Variants in UGT1A5 observed in about 807,000 individuals in gnomAD.
UGT1A5 encodes the protein UDP glucuronosyltransferase family 1 member A5.
A neutral mutation model predicts 40.3 loss-of-function variants in UGT1A5; 29 were observed. The observed-to-expected ratio is 0.72, with a 90% confidence interval of 0.54 to 0.98. UGT1A5 has a LOEUF of 0.98. UGT1A5 is among the 50% of genes least tolerant of loss of function. The pLI, the probability that UGT1A5 is intolerant of heterozygous loss-of-function variation, is 0.00. For missense variants in UGT1A5, 678 were observed against 677.9 expected (o/e 1.00, Z 0.00); for synonymous variants, 257 against 262.5 (o/e 0.98, Z 0.20).
chr2:233,748,006 A>T, intron 1 of UGT1A5: 1 of 1,613,448 alleles, frequency 6.2e-7, no homozygotes, highest in African/African-American at 1.3e-5. Context: ...GTGATGGATT[A>T]CCCCAGGCCG....
rs1177829865 is a variant in UGT1A5, at chr2:233,713,310, C to T, written c.319C>T (p.Leu107=). Residue 107 remains leucine (L), a synonymous_variant, in exon 1 of 5, where the codon CTG becomes TTG. Coordinates refer to ENST00000373414, the MANE Select transcript of UGT1A5 (RefSeq NM_019078.2). ...TQSFFETEHL[L]MKFSRRMAIM... The stretch of plus-strand genomic sequence containing the variant: ...ATCGTTCTTTGAAACAGAACATCTT[C>T]TGATGAAATTTTCTAGAAGAATGGC... 1 of 1,614,216 alleles carries T rather than the reference C, an allele frequency of 6.2e-7. No homozygotes were observed. Among genetic ancestry groups the T allele is most frequent in the South Asian group, 1.1e-5 (1 of 91,082 alleles).
At chr2:233,756,614 T>C (rs978971075) in intron 1 of UGT1A5, among the ~76,000 whole-genome samples, 2 of 152,204 alleles carry the variant, frequency 1.3e-5, no homozygotes, top group African/African-American at 4.8e-5. Context: ...CCATTAAGAC[T>C]TGCAGGCCGT....
intron 1 of UGT1A5, among the ~76,000 whole-genome samples, chr2:233,737,002 C>G (rs534387073): frequency 6.6e-6 from 1 of 152,190 alleles, no homozygotes; most frequent in Non-Finnish European, 1.5e-5. Flanking sequence ...GTCAGGGACC[C>G]GCTTGAGGAG....
chr2:233,765,482 C>T (rs1647966215), intron 1 of UGT1A5, among the ~76,000 whole-genome samples: 1 of 152,108 alleles, frequency 6.6e-6, no homozygotes, highest in South Asian at 2.1e-4. Context: ...TGGAAGCCAT[C>T]ATCCTCCACA....
intron 1 of UGT1A5, chr2:233,755,367 G>A: frequency 2.8e-6 from 1 of 362,114 alleles, no homozygotes; most frequent in Non-Finnish European, 5.3e-6. Context: ...TGGGCCGCCT[G>A]GAGGGCCGCC....
Position 233,713,604 on chromosome 2 carries a change from A to G in UGT1A5, c.613A>G (p.Met205Val), listed in dbSNP as rs1179770710. The change falls in exon 1 of 5, where the codon ATG becomes GTG. Residue 205 changes from methionine (M) to valine (V), a missense_variant. Coordinates refer to ENST00000373414, the MANE Select transcript of UGT1A5 (RefSeq NM_019078.2). ...PRLLTTNSDH[M>V]TFLQRVKNML... ...ATTACTAACGACCAATTCAGACCACATGACATTCCTGCAAAGGGTCAAGAA... is the reference window on the plus strand; with the variant it reads ...ATTACTAACGACCAATTCAGACCACGTGACATTCCTGCAAAGGGTCAAGAA... 6.2e-7 allele frequency: 1 copy of G among 1,613,926 alleles called. No homozygotes were observed. The highest frequency in any genetic ancestry group is 1.1e-5 in the South Asian group (1 of 91,066).
Position 233,712,920 on chromosome 2 carries a change from T to C in UGT1A5, c.-72T>C. ...GCTAGGTGTCTCAGTGACAAGGTAA[T>C]TAAGACGAAGGAAACAATTCTAGGA... On this transcript the variant is annotated 5_prime_UTR_variant, in exon 1 of 5. Transcript: ENST00000373414. 3 of 1,611,826 alleles carry C rather than the reference T, an allele frequency of 1.9e-6. No individual in the cohort carries two copies. The South Asian group carries it at 3.3e-5, about 18-fold the overall frequency.
In UGT1A5 at chr2:233,743,994, T is replaced by C. The variant is rs60469444; in HGVS notation, c.868-23040T>C. 7.2e-6 allele frequency: 9 copies of C among 1,253,056 alleles called. No individual in the cohort carries two copies. The East Asian group carries it at 2.0e-4, about 28-fold the overall frequency. 77.6% of individuals were successfully genotyped at this position (1,253,056 alleles called of 1,614,324 possible). On this transcript the variant is annotated intron_variant, in intron 1 of 4. Coordinates refer to ENST00000373414, the MANE Select transcript of UGT1A5 (RefSeq NM_019078.2). The stretch of plus-strand genomic sequence containing the variant: ...GCCAGCACCCAGGCGCAGGCCCGAG[T>C]GCTCGGAGACCTGGGCCGCCTGGAG...
At chr2:233,738,331 A>G (rs1320922630) in intron 1 of UGT1A5, among the ~76,000 whole-genome samples, 1 of 152,220 alleles carries the variant, frequency 6.6e-6, no homozygotes, top group African/African-American at 2.4e-5. Context: ...GGACTAATAC[A>G]GTAAATTGGT....
chr2:233,764,085 G>T (rs1214257017), intron 1 of UGT1A5, among the ~76,000 whole-genome samples: 1 of 152,154 alleles, frequency 6.6e-6, no homozygotes, highest in African/African-American at 2.4e-5. Flanking sequence ...CTAATTAAAA[G>T]CCTAAACTAA....
intron 1 of UGT1A5, among the ~76,000 whole-genome samples, chr2:233,766,597 G>A (rs1228112720): frequency 6.6e-6 from 1 of 152,126 alleles, no homozygotes; most frequent in Non-Finnish European, 1.5e-5. Flanking sequence ...CCTCGCCAGG[G>A]ACCACACCCT....
chr2:233,732,704 T>C (rs2078302376), intron 1 of UGT1A5, among the ~76,000 whole-genome samples: 1 of 152,126 alleles, frequency 6.6e-6, no homozygotes. Flanking sequence ...GTTTTGTTAC[T>C]GTAGCCTTGT....
In UGT1A5 at chr2:233,754,741, T is replaced by C; in HGVS notation, c.868-12293T>C. On this transcript the variant is annotated intron_variant, in intron 1 of 4. Coordinates refer to ENST00000373414, the MANE Select transcript of UGT1A5 (RefSeq NM_019078.2). Reference sequence around the variant, plus strand: ...CCTGTCCCATCACTACCGTAGGACATGCAGAAGGAAGAAAGGCCCCCACTT... The same window carrying C: ...CCTGTCCCATCACTACCGTAGGACACGCAGAAGGAAGAAAGGCCCCCACTT... The C allele has an allele frequency of 7.1e-6, 5 of 707,448 alleles. No homozygotes were observed. In the South Asian group the frequency reaches 7.2e-5, roughly 10 times the overall value. The allele number at this position is 707,448 out of a possible 1,614,324, so 43.8% of individuals were successfully genotyped here. A position where few individuals can be genotyped will look rare whatever the true frequency, so the allele number is the denominator to read the frequency against.
intron 1 of UGT1A5, among the ~76,000 whole-genome samples, chr2:233,727,721 C>A (rs2077642533): frequency 6.6e-6 from 1 of 152,216 alleles, no homozygotes; most frequent in Non-Finnish European, 1.5e-5. Context: ...CCTTGCAGAC[C>A]TTCCTTTTCT....
In UGT1A5 at chr2:233,772,139, G is replaced by T. The variant is rs1700470475; in HGVS notation, c.1308-123G>T. ...AAAAACAACAACAACAACAATAATA[G>T]AAACAGGTTTCCTTTCCCAAGTTTG... On this transcript the variant is annotated intron_variant, in intron 4 of 4. Coordinates refer to ENST00000373414, the MANE Select transcript of UGT1A5 (RefSeq NM_019078.2). The T allele has an allele frequency of 5.2e-6, 8 of 1,548,574 alleles. No homozygotes were observed. In the Admixed American group the frequency reaches 1.2e-4, roughly 23 times the overall value.
intron 1 of UGT1A5, among the ~76,000 whole-genome samples, chr2:233,766,257 A>G (rs1699081687): frequency 1.3e-5 from 2 of 151,512 alleles, no homozygotes; most frequent in African/African-American, 2.4e-5. Context: ...CAGACCGCTC[A>G]GTGGCCCGGG....
chr2:233,721,901 G>A, intron 1 of UGT1A5: 1 of 456,940 alleles, frequency 2.2e-6, no homozygotes, highest in Non-Finnish European at 4.4e-6. Flanking sequence ...ATATCGAAAT[G>A]GTGCACACTG....
intron 1 of UGT1A5, chr2:233,743,403 G>GC (rs1347422020): frequency 7.7e-7 from 1 of 1,297,134 alleles, no homozygotes; most frequent in African/African-American, 1.5e-5. Flanking sequence ...AGGAAGAAAG[G>GC]CCCCCACTTC....
At chr2:233,724,451 C>T (rs1350834688) in intron 1 of UGT1A5, among the ~76,000 whole-genome samples, 1 of 120,264 alleles carries the variant, frequency 8.3e-6, no homozygotes. Flanking sequence ...GACAGGGCAG[C>T]TGCCGGGCGG....
Sources: allele counts gnomAD v4.1 joint callset (sites outside exome capture counted in the v4.1 genomes callset), GRCh38; gene constraint gnomAD v4.1.1; transcripts MANE v1.5; gene names NCBI Gene and HGNC (gene_info 2026-07-23, HGNC 2026-07-21).